Variants in CDH13 observed in about 807,000 individuals in gnomAD.
CDH13 encodes the protein cadherin-13.
A neutral mutation model predicts 63.8 loss-of-function variants in CDH13; 24 were observed. That is an observed-to-expected ratio of 0.38 (90% CI 0.27 to 0.53). The LOEUF (loss-of-function observed/expected upper bound fraction) is 0.53. Ranked by LOEUF, CDH13 falls within the 20% of genes least tolerant of loss-of-function variation. CDH13 has a pLI of 0.85. For missense variants in CDH13, 1,049 were observed against 903.1 expected, an observed-to-expected ratio of 1.16 and a Z score of -2.07; for synonymous variants, 503 against 355.3, an observed-to-expected ratio of 1.42 and a Z score of -4.67.
At chr16:83,261,778 G>C (rs929521906) in intron 5 of CDH13, among the ~76,000 whole-genome samples, 1 of 151,032 alleles carries the variant, frequency 6.6e-6, no homozygotes, top group Non-Finnish European at 1.5e-5. Context: ...GGCAGAGCTT[G>C]AACCCAGATC....
At chr16:82,668,425 G>A (rs1912861057) in intron 1 of CDH13, among the ~76,000 whole-genome samples, 1 of 152,256 alleles carries the variant, frequency 6.6e-6, no homozygotes, top group South Asian at 2.1e-4. Flanking sequence ...TAAGTAGATA[G>A]GGAGGCATTC....
intron 6 of CDH13, among the ~76,000 whole-genome samples, chr16:83,439,196 G>C (rs779885470): frequency 6.6e-6 from 1 of 152,134 alleles, no homozygotes; most frequent in Non-Finnish European, 1.5e-5. Context: ...TTATTGGAAA[G>C]AACGGTGTCT....
At chr16:82,631,196 G>A (rs1250670359) in intron 1 of CDH13, among the ~76,000 whole-genome samples, 1 of 152,156 alleles carries the variant, frequency 6.6e-6, no homozygotes, top group African/African-American at 2.4e-5. Context: ...TCCCCTCTGA[G>A]TATTGGAGCA....
In CDH13 at chr16:82,652,628, A is replaced by AGCTGCTGCT. The variant is rs35661989; in HGVS notation, c.45+25514_45+25522dup. On this transcript the variant is annotated intron_variant, in intron 1 of 13. Transcript: ENST00000567109. ...TGAACCAATCTAGAAAGATATTGGA[A>AGCTGCTGCT]GCTGCTGCTGCTGCTGCTGCTGCTG... Among the ~76,000 whole-genome samples the AGCTGCTGCT allele has an allele frequency of 2.6e-4, 39 of 149,408 alleles. 1 individual carries two copies. Among genetic ancestry groups the AGCTGCTGCT allele is most frequent in the South Asian group, 6.4e-4 (3 of 4,714 alleles).
chr16:82,913,310 G>A (rs187465714), intron 2 of CDH13, among the ~76,000 whole-genome samples: 17 of 152,248 alleles, frequency 1.1e-4, no homozygotes, highest in Middle Eastern at 6.8e-3. Flanking sequence ...GTGAGCCGCC[G>A]GCTCATTCAG....
At position 83,589,285 on chromosome 16, in the gene CDH13, C is replaced by G. The variant is rs545683718; in HGVS notation, c.961-13169C>G. Among the ~76,000 whole-genome samples, 214 of 128,252 alleles carry G rather than the reference C, an allele frequency of 1.7e-3. 2 individuals carry two copies. Among genetic ancestry groups the G allele is most frequent in the South Asian group, 5.7e-3 (17 of 2,988 alleles). The allele number at this position is 128,252 out of a possible 152,430, so 84.1% of individuals were successfully genotyped here. The stretch of plus-strand genomic sequence containing the variant: ...CCTTATTCTTTCTCCCTTTCCCCCC[C>G]CCGGACCCCTCTCCCTCCCTTCTTC... On this transcript the variant is annotated intron_variant, in intron 7 of 13. Coordinates refer to ENST00000567109, the MANE Select transcript of CDH13 (RefSeq NM_001257.5).
intron 3 of CDH13, among the ~76,000 whole-genome samples, chr16:83,052,327 ATAAGATG>A (rs1047936540): frequency 1.3e-5 from 2 of 152,242 alleles, no homozygotes; most frequent in African/African-American, 4.8e-5. Context: ...TCCTATAGAA[ATAAGATG>A]TAAGATTAAC....
chr16:83,702,115 T>G (rs1025549845), intron 10 of CDH13, among the ~76,000 whole-genome samples: 1 of 152,174 alleles, frequency 6.6e-6, no homozygotes, highest in Non-Finnish European at 1.5e-5. Flanking sequence ...CAAATATACC[T>G]TGTGCTAAGA....
chr16:83,707,836 C>CCAAAAAAAAAAAAAAAAG (rs1907336979), intron 10 of CDH13, among the ~76,000 whole-genome samples: 1 of 78,902 alleles, frequency 1.3e-5, no homozygotes, highest in African/African-American at 5.0e-5. Flanking sequence ...ACCCTAAAGG[C>CCAAAAAAAAAAAAAAAAG]AAAAAAAAAA....
At chr16:83,732,727 T>C (rs185127801) in intron 10 of CDH13, among the ~76,000 whole-genome samples, 1 of 152,284 alleles carries the variant, frequency 6.6e-6, no homozygotes, top group Non-Finnish European at 1.5e-5. Flanking sequence ...CCCTTGCTAA[T>C]CTCAGTACTT....
chr16:83,127,437 A>G (rs1466595628), intron 4 of CDH13, among the ~76,000 whole-genome samples: 1 of 152,170 alleles, frequency 6.6e-6, no homozygotes, highest in Admixed American at 6.5e-5. Flanking sequence ...GGACTATTGA[A>G]AATTGATCTT....
intron 1 of CDH13, among the ~76,000 whole-genome samples, chr16:82,688,270 G>A (rs372019517): frequency 2.6e-5 from 4 of 152,214 alleles, no homozygotes; most frequent in African/African-American, 9.6e-5. Context: ...ATGTGTATCT[G>A]GGAACATGGT....
intron 9 of CDH13, among the ~76,000 whole-genome samples, chr16:83,676,881 C>T (rs758782350): frequency 3.3e-5 from 5 of 152,226 alleles, no homozygotes; most frequent in Non-Finnish European, 4.4e-5. Context: ...ATTCCCACCT[C>T]GGTGCCAGCT....
Position 83,560,290 on chromosome 16 carries a change from C to G in CDH13, c.961-42164C>G, listed in dbSNP as rs564577620. Among the ~76,000 whole-genome samples the G allele has an allele frequency of 2.0e-5, 3 of 152,160 alleles. No homozygotes were observed. In the South Asian group the frequency reaches 6.2e-4, roughly 32 times the overall value. On this transcript the variant is annotated intron_variant, in intron 7 of 13. Transcript: ENST00000567109. ...TTTCCAGCTCTGAAACCTAATGCTACAAAGATAAAAGTTGCATTTGATAGA... is the reference window on the plus strand; with the variant it reads ...TTTCCAGCTCTGAAACCTAATGCTAGAAAGATAAAAGTTGCATTTGATAGA...
chr16:82,835,596 C>T (rs552727858), intron 1 of CDH13, among the ~76,000 whole-genome samples: 24 of 152,292 alleles, frequency 1.6e-4, no homozygotes, highest in East Asian at 1.4e-3. Flanking sequence ...TTATTTAACA[C>T]GCCAGGGGCA....
intron 1 of CDH13, among the ~76,000 whole-genome samples, chr16:82,717,523 G>A (rs958612596): frequency 6.6e-6 from 1 of 151,736 alleles, no homozygotes; most frequent in Non-Finnish European, 1.5e-5. Flanking sequence ...ATGGGCTAGA[G>A]GCAAGTTGTT....
At chr16:83,408,687 A>T (rs1200527164) in intron 6 of CDH13, among the ~76,000 whole-genome samples, 2 of 152,264 alleles carry the variant, frequency 1.3e-5, no homozygotes, top group Non-Finnish European at 2.9e-5. Flanking sequence ...AGTAACTTTA[A>T]TAGAAGCATG....
chr16:82,862,150 C>G (rs975668179), intron 2 of CDH13, among the ~76,000 whole-genome samples: 6 of 152,172 alleles, frequency 3.9e-5, no homozygotes, highest in African/African-American at 1.4e-4. Flanking sequence ...CATGGTAGAT[C>G]TTGCTTTTCC....
intron 1 of CDH13, among the ~76,000 whole-genome samples, chr16:82,856,459 T>C (rs918931108): frequency 6.7e-6 from 1 of 149,952 alleles, no homozygotes; most frequent in African/African-American, 2.4e-5. Context: ...CTTGGCACTT[T>C]GGGAAGTCGA....
Sources: allele counts gnomAD v4.1 joint callset (sites outside exome capture counted in the v4.1 genomes callset), GRCh38; gene constraint gnomAD v4.1.1; transcripts MANE v1.5; gene names NCBI Gene and HGNC (gene_info 2026-07-23, HGNC 2026-07-21).